The following ASTN1 variants were observed in gnomAD, a reference collection of about 807,000 sequenced individuals.
ASTN1 encodes astrotactin-1.
In ASTN1, 41 loss-of-function variants were observed where a neutral mutation model predicts 140.7. The observed-to-expected ratio is 0.29, with a 90% CI of 0.23 to 0.38. The LOEUF is 0.38. ASTN1 is among the 10% of genes least tolerant of loss of function. ASTN1 has a pLI of 1.00. For missense variants in ASTN1, 1,479 were observed against 1,678.8 expected, an observed-to-expected ratio of 0.88 and a Z score of 2.08; for synonymous variants, 640 against 652.2, an observed-to-expected ratio of 0.98 and a Z score of 0.29.
chr1:177,123,018 C>T (rs1681476665), intron 1 of ASTN1, among the ~76,000 whole-genome samples: 1 of 152,146 alleles, frequency 6.6e-6, no homozygotes, highest in African/African-American at 2.4e-5. Flanking sequence ...CTCAACACTC[C>T]AGGGAGTGTG....
chr1:177,015,937 A>C (rs1332918660), intron 7 of ASTN1, among the ~76,000 whole-genome samples: 1 of 152,194 alleles, frequency 6.6e-6, no homozygotes, highest in African/African-American at 2.4e-5. Context: ...TGAAAGAACA[A>C]AGTGTGACTT....
intron 1 of ASTN1, among the ~76,000 whole-genome samples, chr1:177,118,227 AT>A (rs1002741335): frequency 1.5e-5 from 2 of 136,398 alleles, no homozygotes; most frequent in African/African-American, 5.4e-5. Context: ...ATTGGTTGTG[AT>A]GACAATCTGA....
chr1:176,965,450 G>A (rs1385499731), intron 8 of ASTN1, among the ~76,000 whole-genome samples: 2 of 152,060 alleles, frequency 1.3e-5, no homozygotes, highest in African/African-American at 4.8e-5. Context: ...TGAACTACTA[G>A]GAAAATGGAA....
Position 176,862,110 on chromosome 1 carries a change from T to A in ASTN1, c.*2174A>T. 1 of 985,470 alleles carries A rather than the reference T, an allele frequency of 1.0e-6. No individual in the cohort carries two copies. 61.0% of individuals were successfully genotyped at this position (985,470 alleles called of 1,614,324 possible). A position where few individuals can be genotyped will look rare whatever the true frequency, so the allele number is the denominator to read the frequency against. ...GGCCCTGTCTGATTGGCCTGTCACA[T>A]CTTCTCTGGCAATGGTGAAATATTT... On this transcript the variant is annotated 3_prime_UTR_variant, in exon 23 of 23. Transcript: ENST00000361833.
chr1:177,030,368 T>C (rs1676365022), intron 4 of ASTN1, among the ~76,000 whole-genome samples: 3 of 152,286 alleles, frequency 2.0e-5, no homozygotes, highest in Admixed American at 6.5e-5. Context: ...TCATTTTTTT[T>C]CCCATTTAAT....
intron 15 of ASTN1, 111 bp downstream of exon 15, chr1:176,936,155 A>G: frequency 1.1e-6 from 1 of 889,956 alleles, no homozygotes; most frequent in Non-Finnish European, 1.8e-6. Flanking sequence ...ATCTCATGCA[A>G]TAGCTACATT....
At chr1:176,955,192 G>A (rs750347216) in intron 11 of ASTN1, among the ~76,000 whole-genome samples, 101 of 152,274 alleles carry the variant, frequency 6.6e-4, no homozygotes, top group Non-Finnish European at 1.1e-3. Context: ...TAAACTTTAC[G>A]TGGAGAGGAG....
chr1:176,902,551 G>A (rs766826068), intron 16 of ASTN1, among the ~76,000 whole-genome samples: 4 of 152,160 alleles, frequency 2.6e-5, no homozygotes, highest in Non-Finnish European at 4.4e-5. Context: ...TGTAGATGCC[G>A]TGGTTTGCCT....
Position 176,936,249 on chromosome 1 carries a change from C to A in ASTN1, c.2482+17G>T. ...GTTCCAGGGAAGGTGGGCAGGATAG[C>A]CTGCAGCAGTGCTCACCCTGAGAGA... On this transcript the variant is annotated intron_variant, in intron 15 of 22. Coordinates refer to ENST00000361833, the MANE Select transcript of ASTN1 (RefSeq NM_004319.3). 1 of 1,606,134 alleles carries A rather than the reference C, an allele frequency of 6.2e-7. No individual in the cohort carries two copies. The highest frequency in any genetic ancestry group is 8.5e-7 in the Non-Finnish European group (1 of 1,172,774).
rs36019368 is a variant in ASTN1 at position 177,078,944 on chromosome 1, CAATTT to C, written c.284-17684_284-17680del. On this transcript the variant is annotated intron_variant, in intron 1 of 22. Coordinates refer to ENST00000361833, the MANE Select transcript of ASTN1 (RefSeq NM_004319.3). The stretch of plus-strand genomic sequence containing the variant: ...GGGATACTGTCATGTAAAAAAAAAT[CAATTT>C]GAGTAGAAAAAAGTCTGGTTTGTTT... Among the ~76,000 whole-genome samples the C allele has an allele frequency of 9.9e-3, 1,507 of 152,146 alleles. 18 individuals are homozygous for C. Among genetic ancestry groups the C allele is most frequent in the Admixed American group, 0.014 (218 of 15,282 alleles).
rs756552002 is a variant in ASTN1 at position 177,032,620 on chromosome 1, C to T, written c.701G>A (p.Arg234Gln). ...ATAGCCGTCCAGGATAGGTGTCTCC[C>T]GGATGCTCAGGGTGCCACTGGAGTT... ...GHNSSGTLSI[R>Q]ETPILDGYEY... is the part of the protein sequence containing the mutation. The change falls in exon 3 of 23, where the codon CGG becomes CAG. Residue 234 changes from arginine to glutamine, a missense_variant. Physicochemically the swap from Arg to Gln is conservative, Grantham distance 43. Coordinates refer to ENST00000361833, the MANE Select transcript of ASTN1 (RefSeq NM_004319.3). 3 of 1,614,182 alleles carry T rather than the reference C, an allele frequency of 1.9e-6. No individual in the cohort carries two copies. Among genetic ancestry groups the T allele is most frequent in the South Asian group, 1.1e-5 (1 of 91,074 alleles).
intron 5 of ASTN1, among the ~76,000 whole-genome samples, chr1:177,026,137 G>C (rs1371154806): frequency 1.3e-5 from 2 of 152,200 alleles, no homozygotes; most frequent in African/African-American, 4.8e-5. Flanking sequence ...TCCTCTGGGT[G>C]CATGTGTTGG....
chr1:176,985,893 C>CAG (rs1553238628), intron 8 of ASTN1, among the ~76,000 whole-genome samples: 90 of 143,886 alleles, frequency 6.3e-4, no homozygotes, highest in African/African-American at 2.2e-3. Context: ...CACACACACA[C>CAG]ACAGACAGCC....
chr1:177,113,474 T>C (rs1680919558), intron 1 of ASTN1, among the ~76,000 whole-genome samples: 1 of 152,248 alleles, frequency 6.6e-6, no homozygotes, highest in Non-Finnish European at 1.5e-5. Flanking sequence ...GTCATCCCCT[T>C]GACCTTGGAT....
intron 2 of ASTN1, among the ~76,000 whole-genome samples, chr1:177,037,113 C>T (rs996717811): frequency 6.6e-6 from 1 of 152,156 alleles, no homozygotes; most frequent in Admixed American, 6.5e-5. Context: ...AGGAACTGAG[C>T]CCAGCCAATT....
chr1:176,865,562 C>T (rs1044875447), intron 22 of ASTN1, among the ~76,000 whole-genome samples: 1 of 152,202 alleles, frequency 6.6e-6, no homozygotes, highest in African/African-American at 2.4e-5. Flanking sequence ...AAGGAAGACA[C>T]TCTCATTTGA....
chr1:177,106,500 C>T (rs757596286), intron 1 of ASTN1, among the ~76,000 whole-genome samples: 2 of 152,162 alleles, frequency 1.3e-5, no homozygotes, highest in Non-Finnish European at 2.9e-5. Context: ...CCCACCTCTG[C>T]TATACTATTT....
At chr1:177,038,887 C>G (rs992532485) in intron 2 of ASTN1, among the ~76,000 whole-genome samples, 4 of 152,318 alleles carry the variant, frequency 2.6e-5, no homozygotes, top group African/African-American at 9.6e-5. Context: ...ATCATTACTT[C>G]TCTTCTTCAA....
At chr1:176,883,404 C>T (rs948511587) in intron 19 of ASTN1, among the ~76,000 whole-genome samples, 2 of 152,048 alleles carry the variant, frequency 1.3e-5, no homozygotes, top group Non-Finnish European at 2.9e-5. Context: ...CCATGTTGGT[C>T]AGGATGGTCT....
Sources: gnomAD v4.1 joint callset for allele counts (sites outside exome capture counted in the v4.1 genomes callset) on GRCh38, gnomAD v4.1.1 for gene constraint, MANE v1.5 for transcripts, NCBI Gene and HGNC (gene_info 2026-07-23, HGNC 2026-07-21) for gene names.